Variants in TBCD observed in about 807,000 individuals in gnomAD.
The protein encoded by TBCD is tubulin-specific chaperone D.
A neutral mutation model predicts 169.3 loss-of-function variants in TBCD; 105 were observed. The ratio of observed to expected loss-of-function variants is 0.62; its 90% CI spans 0.53 to 0.73. TBCD has a LOEUF of 0.73. TBCD is among the 30% of genes least tolerant of loss of function. The pLI is 0.00. For synonymous variants in TBCD, 700 were observed against 643.9 expected, an observed-to-expected ratio of 1.09 and a Z score of -1.32; for missense variants, 1,444 against 1,600.1, an observed-to-expected ratio of 0.90 and a Z score of 1.66.
At chr17:82,810,710 C>T (rs935699290) in intron 12 of TBCD, among the ~76,000 whole-genome samples, 6 of 152,234 alleles carry the variant, frequency 3.9e-5, no homozygotes, top group Non-Finnish European at 7.3e-5. Context: ...AGCGGAGGGT[C>T]GAGAGCAGGC....
intron 13 of TBCD, among the ~76,000 whole-genome samples, chr17:82,858,145 C>T (rs146803685): frequency 0.01 from 1,543 of 152,242 alleles, 32 homozygotes; most frequent in African/African-American, 0.034. Flanking sequence ...AACTCCTGGG[C>T]TCAAGTGATC....
chr17:82,755,493 T>C (rs902323399), intron 1 of TBCD, among the ~76,000 whole-genome samples: 1 of 152,208 alleles, frequency 6.6e-6, no homozygotes, highest in Non-Finnish European at 1.5e-5. Context: ...CTGTCTGTCA[T>C]GTGATGCTGT....
At chr17:82,871,065 G>C (rs2145975809) in intron 14 of TBCD, among the ~76,000 whole-genome samples, 1 of 152,320 alleles carries the variant, frequency 6.6e-6, no homozygotes, top group Non-Finnish European at 1.5e-5. Flanking sequence ...TGAGAAAACT[G>C]AAGCCAGCAG....
intron 13 of TBCD, among the ~76,000 whole-genome samples, chr17:82,827,657 C>T (rs2052984159): frequency 6.6e-6 from 1 of 152,176 alleles, no homozygotes; most frequent in Non-Finnish European, 1.5e-5. Flanking sequence ...GACACGTGTA[C>T]ACCCAATCGA....
intron 13 of TBCD, among the ~76,000 whole-genome samples, chr17:82,828,260 C>A (rs2053102832): frequency 1.4e-5 from 2 of 139,410 alleles, no homozygotes; most frequent in Non-Finnish European, 3.1e-5. Flanking sequence ...ATGTGCACAC[C>A]CACACAATTG....
chr17:82,924,984 A>G lies in TBCD; in HGVS notation c.2306A>G (p.Glu769Gly). ...CTGGCTGAGCTTCGGAACCCCGAGG[A>G]GATGACTCGCTGTGGCTTCTCGTTG... ...QYLAELRNPE[E>G]MTRCGFSLAL... Residue 769 changes from glutamate (E) to glycine (G), a missense_variant, in exon 27 of 39, where the codon GAG (glutamate) becomes GGG (glycine). Physicochemically the swap from Glu to Gly is moderately conservative, Grantham distance 98 (BLOSUM62 -2). Coordinates refer to ENST00000355528, the MANE Select transcript of TBCD (RefSeq NM_005993.5). The G allele has an allele frequency of 6.3e-7, 1 of 1,575,878 alleles. No homozygotes were observed.
intron 21 of TBCD, chr17:82,908,351 G>A (rs1052098019): frequency 2.2e-6 from 1 of 456,628 alleles, no homozygotes; most frequent in Non-Finnish European, 4.4e-6. Flanking sequence ...AGAATTTTGT[G>A]TGTGCGTCTG....
chr17:82,752,448 G>A (rs2047148409), intron 1 of TBCD, 71 bp downstream of exon 1: 1 of 1,133,748 alleles, frequency 8.8e-7, no homozygotes, highest in East Asian at 4.0e-5. Flanking sequence ...CACTTTACCG[G>A]GCGGGGACCG....
rs544032186 is a variant in TBCD, at chr17:82,905,866, C to T, written c.1805-70C>T. On this transcript the variant is annotated intron_variant, in intron 19 of 38. Transcript: ENST00000355528. ...CTGCCCTCCCGGCCCTGTGTGGGTG[C>T]GTGTGGGCTTCCCACAGGCCGTCCA... The T allele has an allele frequency of 7.1e-5, 89 of 1,254,420 alleles. No homozygotes were observed. The South Asian group carries it at 1.1e-3, about 15-fold the overall frequency. 77.7% of individuals were successfully genotyped at this position (1,254,420 alleles called of 1,614,324 possible). A position where few individuals can be genotyped will look rare whatever the true frequency, so the allele number is the denominator to read the frequency against.
intron 5 of TBCD, 41 bp downstream of exon 5, chr17:82,768,607 C>G (rs1236246186): frequency 6.2e-7 from 1 of 1,601,794 alleles, no homozygotes; most frequent in Non-Finnish European, 8.5e-7. Flanking sequence ...TTAGTACTCA[C>G]TTTCATGTTC....
In TBCD at chr17:82,874,873, C is replaced by G. The variant is rs972133379; in HGVS notation, c.1475+4493C>G. Among the ~76,000 whole-genome samples, 4 of 152,214 alleles carry G rather than the reference C, an allele frequency of 2.6e-5. No homozygotes were observed. The highest frequency in any genetic ancestry group is 5.9e-5 in the Non-Finnish European group (4 of 68,036). On this transcript the variant is annotated intron_variant, in intron 14 of 38. Coordinates refer to ENST00000355528, the MANE Select transcript of TBCD (RefSeq NM_005993.5). The surrounding 1 kb of genome is among the most constrained non-coding windows in gnomAD (Gnocchi z 5.0). Reference sequence around the variant, plus strand: ...TGCCCGTCAATTTGGGAACGTGATACAATCTTGATTTCTCTAACTTTCACA... The same window carrying G: ...TGCCCGTCAATTTGGGAACGTGATAGAATCTTGATTTCTCTAACTTTCACA...
rs1020826951 is a variant in TBCD at position 82,944,471 on chromosome 17, T to C, written c.*2008T>C. On this transcript the variant is annotated 3_prime_UTR_variant, in exon 39 of 39. Transcript: ENST00000355528. ...CAAGCACCATCAAGGCAGGCAACACTGAGTGCTATGAACAAAGATAAAGTG... is the reference window on the plus strand; with the variant it reads ...CAAGCACCATCAAGGCAGGCAACACCGAGTGCTATGAACAAAGATAAAGTG... 2 of 151,532 alleles carry C rather than the reference T, an allele frequency of 1.3e-5. No homozygotes were observed. Among genetic ancestry groups the C allele is most frequent in the Non-Finnish European group, 3.0e-5 (2 of 67,650 alleles). 9.4% of individuals were successfully genotyped at this position (151,532 alleles called of 1,614,324 possible).
chr17:82,850,331 T>TTTTGC (rs2055653760), intron 13 of TBCD, among the ~76,000 whole-genome samples: 1 of 141,070 alleles, frequency 7.1e-6, no homozygotes, highest in Admixed American at 6.9e-5. Context: ...GGCTGTGCTG[T>TTTTGC]TGTTGGCTGT....
Position 82,831,783 on chromosome 17 carries a change from A to G in TBCD, c.1318+16849A>G. 2 of 1,614,162 alleles carry G rather than the reference A, an allele frequency of 1.2e-6. No individual in the cohort carries two copies. Among genetic ancestry groups the G allele is most frequent in the South Asian group, 1.1e-5 (1 of 91,088 alleles). On this transcript the variant is annotated intron_variant, in intron 13 of 38. Coordinates refer to ENST00000355528, the MANE Select transcript of TBCD (RefSeq NM_005993.5). This position sits in a 1 kb window ranked among gnomAD's most constrained non-coding sequence, Gnocchi z 4.6. ...GGGAAATGGCCCCAAGCCCCTTTGT[A>G]GATGAGATTTTATGTGGAAACTCTG... is the stretch of plus-strand genomic sequence containing the variant.
At position 82,831,861 on chromosome 17, in the gene TBCD, C is replaced by T. The variant is rs1029418347; in HGVS notation, c.1318+16927C>T. 9 of 1,613,922 alleles carry T rather than the reference C, an allele frequency of 5.6e-6. No individual in the cohort carries two copies. Among genetic ancestry groups the T allele is most frequent in the Admixed American group, 3.3e-5 (2 of 59,994 alleles). On this transcript the variant is annotated intron_variant, in intron 13 of 38. Coordinates refer to ENST00000355528, the MANE Select transcript of TBCD (RefSeq NM_005993.5). The surrounding 1 kb of genome is among the most constrained non-coding windows in gnomAD (Gnocchi z 4.6). ...AGGGGTAGCCAGGAGTGTGGAAGGC[C>T]GACTTGGTGTGGAAAGACACGGCCT...
At chr17:82,767,564 C>T (rs2048078680) in intron 4 of TBCD, among the ~76,000 whole-genome samples, 1 of 152,042 alleles carries the variant, frequency 6.6e-6, no homozygotes, top group Admixed American at 6.5e-5. Context: ...GTGTCAGCCT[C>T]CTGAGTAGCT....
chr17:82,827,603 A>C (rs1230107561), intron 13 of TBCD, among the ~76,000 whole-genome samples: 2 of 152,194 alleles, frequency 1.3e-5, no homozygotes, highest in African/African-American at 2.4e-5. Context: ...ACGATGCAGA[A>C]GTGCATACAC....
At chr17:82,760,835 T>C (rs1163025986) in intron 2 of TBCD, among the ~76,000 whole-genome samples, 2 of 152,218 alleles carry the variant, frequency 1.3e-5, no homozygotes, top group African/African-American at 4.8e-5. Context: ...TCTGGGTTTG[T>C]GTGTATTCAG....
At chr17:82,857,039 C>T (rs1275431900) in intron 13 of TBCD, among the ~76,000 whole-genome samples, 1 of 152,232 alleles carries the variant, frequency 6.6e-6, no homozygotes, top group Non-Finnish European at 1.5e-5. Flanking sequence ...CGTCCCCAAG[C>T]TGTTTCCACA....
Sources: gnomAD v4.1 joint callset for allele counts (sites outside exome capture counted in the v4.1 genomes callset) on GRCh38, gnomAD v4.1.1 for gene constraint, Gnocchi (gnomAD v3.1) non-coding constraint, MANE v1.5 for transcripts, NCBI Gene and HGNC (gene_info 2026-07-23, HGNC 2026-07-21) for gene names.